C2CD3: variants seen among roughly 807,000 people sequenced by gnomAD.
The protein encoded by C2CD3 is C2 domain containing 3 centriole elongation regulator.
In C2CD3, 148 loss-of-function variants were observed where a neutral mutation model predicts 234.0. The ratio of observed to expected loss-of-function variants is 0.63; its 90% confidence interval spans 0.55 to 0.72. The LOEUF is 0.72. Among genes scored for constraint, C2CD3 ranks in the 30% least tolerant of loss-of-function variants. The pLI, the probability that C2CD3 is intolerant of heterozygous loss-of-function variation, is 0.00. For missense variants in C2CD3, 2,577 were observed against 2,811.5 expected (o/e 0.92, Z 1.89); for synonymous variants, 1,000 against 1,035.4 (o/e 0.97, Z 0.66).
In C2CD3 at chr11:74,139,748, C is replaced by T; in HGVS notation, c.564G>A (p.Val188=). 5.0e-6 allele frequency: 8 copies of T among 1,613,706 alleles called. No homozygotes were observed. The highest frequency in any genetic ancestry group is 6.8e-6 in the Non-Finnish European group (8 of 1,179,670). ...CTCTGAATCCCTGCTTAGATAAAAG[C>T]ACATTTTCTGTCATGTCAGTGGTAG... The part of the protein sequence containing the change: ...PLPTTDMTEN[V]LLSKQGFREN... Residue 188 remains valine (V), a synonymous_variant, in exon 4 of 33, where the codon GTG becomes GTA. Coordinates refer to ENST00000334126, the MANE Select transcript of C2CD3 (RefSeq NM_001286577.2).
chr11:74,166,373 T>C (rs1398847076), intron 2 of C2CD3, among the ~76,000 whole-genome samples: 1 of 151,914 alleles, frequency 6.6e-6, no homozygotes, highest in Admixed American at 6.6e-5. Context: ...ACTTATAAGG[T>C]TCACCTCATG....
chr11:74,066,740 A>G (rs1418216548), intron 24 of C2CD3, among the ~76,000 whole-genome samples: 1 of 152,130 alleles, frequency 6.6e-6, no homozygotes, highest in Non-Finnish European at 1.5e-5. Flanking sequence ...TGCTTAAGAG[A>G]CTGCAGAGAC....
chr11:74,139,471 TCA>T (rs1957973707), intron 4 of C2CD3, 132 bp downstream of exon 4: 2 of 745,274 alleles, frequency 2.7e-6, no homozygotes, highest in Non-Finnish European at 4.8e-6. Context: ...AGTGGGTGCT[TCA>T]CAGTTATCTG....
chr11:74,170,907 A>C lies in C2CD3; in HGVS notation c.-115T>G. On this transcript the variant is annotated 5_prime_UTR_variant, in exon 1 of 33. Transcript: ENST00000334126. ...TCCCCGGCAACCGGCGCCGCTGGGC[A>C]GCCTGGGAGGCAGGAAAAAGCGACT... 6.6e-7 allele frequency: 1 copy of C among 1,511,958 alleles called. No homozygotes were observed. 93.7% of individuals were successfully genotyped at this position (1,511,958 alleles called of 1,614,324 possible).
chr11:74,049,278 G>T, intron 27 of C2CD3, 59 bp downstream of exon 27: 2 of 1,393,806 alleles, frequency 1.4e-6, no homozygotes, highest in Non-Finnish European at 1.0e-6. Context: ...ATGAGTAAAG[G>T]ATGTTCTTAT....
intron 3 of C2CD3, among the ~76,000 whole-genome samples, chr11:74,146,203 C>G (rs772960308): frequency 6.6e-5 from 10 of 152,100 alleles, no homozygotes; most frequent in Non-Finnish European, 1.5e-4. Flanking sequence ...GTGTCAAAGT[C>G]TCTTATCAAT....
intron 32 of C2CD3, among the ~76,000 whole-genome samples, chr11:74,027,688 A>G (rs552339737): frequency 2.0e-5 from 3 of 152,240 alleles, no homozygotes; most frequent in Admixed American, 6.5e-5. Flanking sequence ...CTCAGTATCC[A>G]GCATGACACC....
intron 20 of C2CD3, among the ~76,000 whole-genome samples, chr11:74,090,371 C>G (rs1955837411): frequency 6.6e-6 from 1 of 152,142 alleles, no homozygotes; most frequent in Non-Finnish European, 1.5e-5. Flanking sequence ...CGCCACTGCA[C>G]TCTAGCCTGG....
intron 3 of C2CD3, among the ~76,000 whole-genome samples, chr11:74,154,103 C>G (rs931349328): frequency 2.0e-5 from 3 of 151,992 alleles, no homozygotes; most frequent in Admixed American, 1.3e-4. Flanking sequence ...AAAGCCAAAA[C>G]TATAAAAATA....
intron 20 of C2CD3, among the ~76,000 whole-genome samples, chr11:74,089,731 T>C (rs914838099): frequency 2.6e-5 from 4 of 152,194 alleles, no homozygotes; most frequent in Non-Finnish European, 5.9e-5. Flanking sequence ...GCTCAGGCAG[T>C]ATCTCTGACT....
rs4453265 is a variant in C2CD3, at chr11:74,074,281, T to C, written c.4923A>G (p.Val1641=). 0.47 allele frequency: 750,556 copies of C among 1,613,406 alleles called. 175,776 individuals are homozygous for C. Among genetic ancestry groups the C allele is most frequent in the Admixed American group, 0.47 (28,435 of 59,980 alleles). ...TCAAGCTCAAGTGCATTGCTCTTTC[T>C]ACTAGGATGCTGACTGCAAACGTTC... is the stretch of plus-strand genomic sequence containing the variant. The part of the protein sequence containing the change: ...LDGTFAVSIL[V]ERAMHLSLKG... Residue 1641 remains valine, a synonymous_variant, in exon 24 of 33, where the codon GTA becomes GTG. Coordinates refer to ENST00000334126, the MANE Select transcript of C2CD3 (RefSeq NM_001286577.2).
intron 24 of C2CD3, among the ~76,000 whole-genome samples, chr11:74,069,505 T>A (rs147525741): frequency 6.6e-6 from 1 of 152,224 alleles, no homozygotes. Flanking sequence ...ATTTAGATAA[T>A]GCGTTACAGC....
At chr11:74,096,745 A>G (rs566594948) in intron 16 of C2CD3, among the ~76,000 whole-genome samples, 9 of 152,364 alleles carry the variant, frequency 5.9e-5, no homozygotes, top group Non-Finnish European at 1.3e-4. Flanking sequence ...ACAGCCATAC[A>G]ACGCCTAAAC....
At chr11:74,066,629 G>A (rs966941680) in intron 24 of C2CD3, among the ~76,000 whole-genome samples, 2 of 146,930 alleles carry the variant, frequency 1.4e-5, no homozygotes, top group Admixed American at 6.8e-5. Flanking sequence ...TTTCCTCAAC[G>A]TAAAGAATTT....
intron 26 of C2CD3, among the ~76,000 whole-genome samples, chr11:74,053,928 G>A (rs922739167): frequency 6.6e-6 from 1 of 151,176 alleles, no homozygotes; most frequent in Admixed American, 6.6e-5. Flanking sequence ...CCAGGAGTTA[G>A]AGATAGAGGA....
At chr11:74,164,258 C>G (rs11600314) in intron 2 of C2CD3, 175,595 of 957,136 alleles carry the variant, frequency 0.18, 18,919 homozygotes, top group African/African-American at 0.45. Context: ...TGATCAAAGA[C>G]AGGTAAAAAT....
At chr11:74,124,252 G>T (rs926867116) in intron 7 of C2CD3, among the ~76,000 whole-genome samples, 1 of 151,992 alleles carries the variant, frequency 6.6e-6, no homozygotes, top group African/African-American at 2.4e-5. Flanking sequence ...TTCCTTTCAA[G>T]CTAGCTGCTA....
At chr11:74,108,596 C>A (rs570020416) in intron 12 of C2CD3, among the ~76,000 whole-genome samples, 1 of 152,074 alleles carries the variant, frequency 6.6e-6, no homozygotes, top group Non-Finnish European at 1.5e-5. Context: ...AGGCTAATAG[C>A]CTGTATCAAT....
chr11:74,047,545 TGG>T (rs1953443644), intron 28 of C2CD3, among the ~76,000 whole-genome samples: 1 of 152,218 alleles, frequency 6.6e-6, no homozygotes, highest in Admixed American at 6.5e-5. Context: ...AGCCCTGAAT[TGG>T]GCCTTAGAAT....
Sources: gnomAD v4.1 joint callset for allele counts (sites outside exome capture counted in the v4.1 genomes callset) on GRCh38, gnomAD v4.1.1 for gene constraint, MANE v1.5 for transcripts, NCBI Gene and HGNC (gene_info 2026-07-23, HGNC 2026-07-21) for gene names.